The following CTBP2 variants were observed in gnomAD, a reference collection of about 807,000 sequenced individuals.
CTBP2 encodes the protein C-terminal binding protein 2.
A neutral mutation model predicts 80.3 loss-of-function variants in CTBP2; 30 were observed. The ratio of observed to expected loss-of-function variants is 0.37; its 90% CI spans 0.28 to 0.51. CTBP2 has a LOEUF of 0.51. CTBP2 is among the 20% of genes least tolerant of loss of function. The probability of loss-of-function intolerance (pLI) is 0.93; values close to 1 mark genes in which losing one functional copy is unlikely to be tolerated. For synonymous variants in CTBP2, 594 were observed against 587.4 expected, an observed-to-expected ratio of 1.01 and a Z score of -0.16; for missense variants, 1,212 against 1,375.3, an observed-to-expected ratio of 0.88 and a Z score of 1.88.
intron 2 of CTBP2, among the ~76,000 whole-genome samples, chr10:125,044,285 A>C (rs544917519): frequency 6.6e-6 from 1 of 152,294 alleles, no homozygotes; most frequent in African/African-American, 2.4e-5. Flanking sequence ...GCAACAGTCC[A>C]GGCGGTGGTG....
intron 1 of CTBP2, among the ~76,000 whole-genome samples, chr10:125,144,499 T>C (rs145882961): frequency 6.6e-6 from 1 of 152,364 alleles, no homozygotes; most frequent in East Asian, 1.9e-4. Flanking sequence ...CCAGCCTCGC[T>C]GAAGCCTACT....
chr10:125,062,734 C>T (rs1276741185), intron 2 of CTBP2, among the ~76,000 whole-genome samples: 3 of 152,300 alleles, frequency 2.0e-5, no homozygotes, highest in South Asian at 2.1e-4. Flanking sequence ...CGGTGGCACA[C>T]GCCTGTAATC....
At chr10:125,127,057 C>T (rs1855402317) in intron 1 of CTBP2, among the ~76,000 whole-genome samples, 1 of 152,158 alleles carries the variant, frequency 6.6e-6, no homozygotes, top group Non-Finnish European at 1.5e-5. Flanking sequence ...TCAAGGAGTT[C>T]AAACAAGAAA....
chr10:125,082,224 C>A (rs1018807817), intron 2 of CTBP2, among the ~76,000 whole-genome samples: 3 of 152,246 alleles, frequency 2.0e-5, no homozygotes, highest in African/African-American at 7.2e-5. Flanking sequence ...GACACACTGT[C>A]TTCAAAATCC....
intron 2 of CTBP2, among the ~76,000 whole-genome samples, chr10:125,074,083 T>C (rs1845924912): frequency 6.6e-6 from 1 of 152,156 alleles, no homozygotes; most frequent in Admixed American, 6.5e-5. Context: ...TTCCTGTGCA[T>C]TGTGGTATGT....
intron 2 of CTBP2, among the ~76,000 whole-genome samples, chr10:125,108,870 A>G (rs1000906141): frequency 1.3e-5 from 2 of 152,256 alleles, no homozygotes; most frequent in East Asian, 3.8e-4. Flanking sequence ...AAAGTGCTAT[A>G]AAAAACTCTT....
chr10:125,056,360 C>T (rs984195707), intron 2 of CTBP2, among the ~76,000 whole-genome samples: 5 of 152,148 alleles, frequency 3.3e-5, no homozygotes, highest in African/African-American at 4.8e-5. Context: ...AAGGCGTGCA[C>T]GCCATGGAGG....
intron 1 of CTBP2, among the ~76,000 whole-genome samples, chr10:125,018,862 A>T (rs1956777594): frequency 6.6e-6 from 1 of 152,238 alleles, no homozygotes; most frequent in Admixed American, 6.5e-5. Flanking sequence ...CTTCTGGTGA[A>T]GCACACCCAG....
intron 1 of CTBP2, among the ~76,000 whole-genome samples, chr10:125,154,653 A>C (rs987078435): frequency 5.3e-4 from 7 of 13,176 alleles, no homozygotes; most frequent in Non-Finnish European, 1.0e-3. Flanking sequence ...TGTCGTTGCT[A>C]AAAAAACTGA....
At chr10:125,136,472 C>G (rs139748591) in intron 1 of CTBP2, among the ~76,000 whole-genome samples, 2 of 152,236 alleles carry the variant, frequency 1.3e-5, no homozygotes, top group African/African-American at 2.4e-5. Flanking sequence ...ACTGTTCCCC[C>G]ACCCTAACCC....
chr10:125,156,515 G>C (rs1860945702), intron 1 of CTBP2, among the ~76,000 whole-genome samples: 1 of 152,136 alleles, frequency 6.6e-6, no homozygotes, highest in Non-Finnish European at 1.5e-5. Context: ...CTAGATCTCA[G>C]CAGGGCTACT....
intron 1 of CTBP2, among the ~76,000 whole-genome samples, chr10:125,124,746 GAAGT>G (rs1854935723): frequency 6.6e-6 from 1 of 152,120 alleles, no homozygotes; most frequent in Non-Finnish European, 1.5e-5. Flanking sequence ...ATTTAAAATA[GAAGT>G]AATCATTTTC....
intron 1 of CTBP2, among the ~76,000 whole-genome samples, chr10:125,114,960 C>T (rs1327913826): frequency 6.6e-6 from 1 of 152,140 alleles, no homozygotes; most frequent in East Asian, 1.9e-4. Flanking sequence ...CTGAAGCTCA[C>T]ATGTGCCAGC....
chr10:125,132,642 C>T lies in CTBP2; in HGVS notation c.-205-21549G>A, dbSNP rs1044342012. On this transcript the variant is annotated intron_variant, in intron 1 of 10. Coordinates refer to the CTBP2 transcript ENST00000337195. ...AGCCAAGCACCAGTATTCGCACATC[C>T]GTACAGACTGCATCAAATGGCAAAT... Among the ~76,000 whole-genome samples, 4 of 152,124 alleles carry T rather than the reference C, an allele frequency of 2.6e-5. No individual in the cohort carries two copies. The East Asian group carries it at 5.8e-4, about 22-fold the overall frequency.
At chr10:125,015,581 C>G (rs1165050933) in intron 1 of CTBP2, among the ~76,000 whole-genome samples, 1 of 152,194 alleles carries the variant, frequency 6.6e-6, no homozygotes, top group Non-Finnish European at 1.5e-5. Context: ...CCATGCAGCC[C>G]AAACCCTAGA....
At chr10:125,138,259 C>G (rs556435054) in intron 1 of CTBP2, 1 of 152,306 alleles carries the variant, frequency 6.6e-6, no homozygotes, top group Admixed American at 6.5e-5. Context: ...GTCAAGTGCA[C>G]TCATCCTGGA....
intron 2 of CTBP2, among the ~76,000 whole-genome samples, chr10:125,086,613 TAAAAAAA>T (rs66522424): frequency 3.9e-4 from 45 of 116,454 alleles, no homozygotes; most frequent in Admixed American, 1.2e-3. Flanking sequence ...AAATTTTATT[TAAAAAAA>T]AAAAAAAAAA....
chr10:125,102,398 G>C (rs548792242), intron 2 of CTBP2, among the ~76,000 whole-genome samples: 3 of 152,344 alleles, frequency 2.0e-5, no homozygotes, highest in South Asian at 2.1e-4. Flanking sequence ...CCATGCTAAA[G>C]AATTCTTCCT....
intron 8 of CTBP2, among the ~76,000 whole-genome samples, chr10:124,990,391 AAGG>A (rs1251230944): frequency 6.6e-6 from 1 of 152,202 alleles, no homozygotes; most frequent in Non-Finnish European, 1.5e-5. Flanking sequence ...TCCCCAAAGC[AAGG>A]AGAAGTCTCA....
Sources: allele counts gnomAD v4.1 joint callset (sites outside exome capture counted in the v4.1 genomes callset), GRCh38; gene constraint gnomAD v4.1.1; transcripts MANE v1.5; gene names NCBI Gene and HGNC (gene_info 2026-07-23, HGNC 2026-07-21).